Variants in ATP11B observed in about 807,000 individuals in gnomAD.
ATP11B encodes phospholipid-transporting ATPase IF.
ATP11B carries 81 observed loss-of-function variants against 157.8 expected under a neutral mutation model. That is an observed-to-expected ratio of 0.51 (90% CI 0.43 to 0.62). The LOEUF (loss-of-function observed/expected upper bound fraction) is 0.62, where lower values mean the gene tolerates loss of function less well. Ranked by LOEUF, ATP11B falls within the 20% of genes least tolerant of loss-of-function variation. The pLI is 0.00. For synonymous variants in ATP11B, 451 were observed against 469.4 expected (o/e 0.96, Z 0.51); for missense variants, 1,165 against 1,402.2 (o/e 0.83, Z 2.70).
At chr3:182,835,919 T>C in intron 4 of ATP11B, 116 bp from the exon 5 acceptor site, 1 of 684,306 alleles carries the variant, frequency 1.5e-6, no homozygotes, top group African/African-American at 1.8e-5. Flanking sequence ...CCAAATAGCC[T>C]CATATGATTC....
At chr3:182,856,704 T>C (rs1173327199) in intron 10 of ATP11B, among the ~76,000 whole-genome samples, 1 of 152,218 alleles carries the variant, frequency 6.6e-6, no homozygotes, top group Non-Finnish European at 1.5e-5. Context: ...CTTACATTCC[T>C]TATTTACTGT....
At chr3:182,887,122 T>A (rs1036786422) in intron 23 of ATP11B, among the ~76,000 whole-genome samples, 4 of 152,202 alleles carry the variant, frequency 2.6e-5, no homozygotes, top group African/African-American at 9.6e-5. Flanking sequence ...CGTTAAGGAC[T>A]TAAGCCATTG....
rs549359888 is a variant in ATP11B, at chr3:182,865,846, A to G, written c.1443+148A>G. On this transcript the variant is annotated intron_variant, in intron 13 of 29. Transcript: ENST00000323116. Reference sequence around the variant, plus strand: ...TATTTGATTCAACAATATAAAATATAATCCTAAGAATTTGTTGTTACAGCC... The same window carrying G: ...TATTTGATTCAACAATATAAAATATGATCCTAAGAATTTGTTGTTACAGCC... 3.2e-5 allele frequency: 22 copies of G among 681,154 alleles called. No homozygotes were observed. In the South Asian group the frequency reaches 4.7e-4, roughly 14 times the overall value. The allele number at this position is 681,154 out of a possible 1,614,324, so 42.2% of individuals were successfully genotyped here. A position where few individuals can be genotyped will look rare whatever the true frequency, so the allele number is the denominator to read the frequency against.
chr3:182,822,896 T>G (rs1717463890), intron 2 of ATP11B, among the ~76,000 whole-genome samples: 1 of 152,250 alleles, frequency 6.6e-6, no homozygotes, highest in Non-Finnish European at 1.5e-5. Context: ...TCATGTGTAT[T>G]TTGGCTGCAT....
At chr3:182,800,015 C>T (rs1312018824) in intron 1 of ATP11B, among the ~76,000 whole-genome samples, 1 of 151,914 alleles carries the variant, frequency 6.6e-6, no homozygotes, top group Non-Finnish European at 1.5e-5. Flanking sequence ...GAGACTGAGG[C>T]AGGAGTATTG....
At chr3:182,906,777 TAAAA>T (rs111914016) in intron 28 of ATP11B, among the ~76,000 whole-genome samples, 13 of 133,718 alleles carry the variant, frequency 9.7e-5, no homozygotes, top group East Asian at 8.2e-4. Context: ...GTATCTGTTT[TAAAA>T]AAAAAAAAAA....
intron 4 of ATP11B, among the ~76,000 whole-genome samples, chr3:182,833,205 G>A (rs1718285734): frequency 1.3e-5 from 2 of 152,034 alleles, no homozygotes; most frequent in South Asian, 2.1e-4. Context: ...TTAATCTACT[G>A]GTGTAAGAAA....
intron 2 of ATP11B, among the ~76,000 whole-genome samples, chr3:182,827,474 T>G (rs1324811299): frequency 6.6e-6 from 1 of 152,074 alleles, no homozygotes; most frequent in Non-Finnish European, 1.5e-5. Flanking sequence ...TATTACAAAT[T>G]AAGATTTGGG....
intron 28 of ATP11B, among the ~76,000 whole-genome samples, chr3:182,909,761 C>G (rs1041795925): frequency 6.6e-6 from 1 of 152,112 alleles, no homozygotes; most frequent in Non-Finnish European, 1.5e-5. Context: ...AGCCAACATT[C>G]AGCATTTTAA....
chr3:182,815,287 T>A (rs965967155), intron 1 of ATP11B, among the ~76,000 whole-genome samples: 2 of 152,206 alleles, frequency 1.3e-5, no homozygotes, highest in Admixed American at 6.5e-5. Flanking sequence ...GTGGGTGTTT[T>A]AAATTTTTCT....
At chr3:182,802,991 T>C (rs370148117) in intron 1 of ATP11B, among the ~76,000 whole-genome samples, 2 of 152,186 alleles carry the variant, frequency 1.3e-5, no homozygotes, top group African/African-American at 4.8e-5. Context: ...CCAGCCAATC[T>C]TATGGGGGGT....
At chr3:182,863,526 C>T (rs546014659) in intron 12 of ATP11B, among the ~76,000 whole-genome samples, 2 of 152,066 alleles carry the variant, frequency 1.3e-5, no homozygotes, top group South Asian at 4.1e-4. Flanking sequence ...TTTGAAACTA[C>T]AAGTATTTAA....
chr3:182,887,603 G>T lies in ATP11B; in HGVS notation c.2733G>T (p.Val911=). 1 of 1,611,332 alleles carries T rather than the reference G, an allele frequency of 6.2e-7. No homozygotes were observed. Among genetic ancestry groups the T allele is most frequent in the Non-Finnish European group, 8.5e-7 (1 of 1,179,142 alleles). The stretch of plus-strand genomic sequence containing the variant: ...CTTTCTAGACATTGTATGACAGCGT[G>T]TACCTGACTTTATACAATATTTGTT... The part of the protein sequence containing the change: ...LFSQQTLYDS[V]YLTLYNICFT... Residue 911 remains valine, a synonymous_variant, in exon 24 of 30, where the codon GTG becomes GTT. Coordinates refer to ENST00000323116, the MANE Select transcript of ATP11B (RefSeq NM_014616.3).
At chr3:182,871,624 G>C (rs890425032) in intron 17 of ATP11B, among the ~76,000 whole-genome samples, 5 of 152,134 alleles carry the variant, frequency 3.3e-5, no homozygotes, top group Non-Finnish European at 7.4e-5. Flanking sequence ...TACGAAGTAG[G>C]TAAAAAATGG....
intron 1 of ATP11B, among the ~76,000 whole-genome samples, chr3:182,814,965 A>C (rs1716886975): frequency 6.6e-6 from 1 of 152,206 alleles, no homozygotes; most frequent in African/African-American, 2.4e-5. Flanking sequence ...GCATCAGCTA[A>C]AGCTCCACTG....
chr3:182,898,610 A>T lies in ATP11B; in HGVS notation c.3156A>T (p.Pro1052=). The part of the protein sequence containing the change: ...FSLFYGGILW[P]FLGSQNMYFV... ...AGCACATTTTCTTTCTTTGCAGGCC[A>T]TTTTTGGGCTCCCAGAATATGTATT... is the stretch of plus-strand genomic sequence containing the variant. Residue 1052 remains proline, a synonymous_variant, in exon 28 of 30, where the codon CCA becomes CCT. Coordinates refer to ENST00000323116, the MANE Select transcript of ATP11B (RefSeq NM_014616.3). 1.3e-6 allele frequency: 2 copies of T among 1,589,274 alleles called. No individual in the cohort carries two copies. Among genetic ancestry groups the T allele is most frequent in the Non-Finnish European group, 1.7e-6 (2 of 1,169,642 alleles).
chr3:182,832,224 A>G (rs1718204330), intron 4 of ATP11B, among the ~76,000 whole-genome samples: 1 of 152,176 alleles, frequency 6.6e-6, no homozygotes, highest in Non-Finnish European at 1.5e-5. Flanking sequence ...AGAAAGCAAA[A>G]AGGTTATGCC....
At chr3:182,872,631 C>A in intron 18 of ATP11B, 94 bp downstream of exon 18, 1 of 1,065,540 alleles carries the variant, frequency 9.4e-7, no homozygotes, top group Non-Finnish European at 1.3e-6. Flanking sequence ...TCTTTACTAA[C>A]ATCCCATGAT....
chr3:182,881,236 C>T (rs1352990143), intron 21 of ATP11B, among the ~76,000 whole-genome samples: 1 of 152,098 alleles, frequency 6.6e-6, no homozygotes, highest in African/African-American at 2.4e-5. Context: ...AAGTTCGAGA[C>T]CAACCTGACC....
Sources: allele counts gnomAD v4.1 joint callset (sites outside exome capture counted in the v4.1 genomes callset), GRCh38; gene constraint gnomAD v4.1.1; transcripts MANE v1.5; gene names NCBI Gene and HGNC (gene_info 2026-07-23, HGNC 2026-07-21).